CNBD1: variants seen among roughly 807,000 people sequenced by gnomAD.
CNBD1 encodes cyclic nucleotide binding domain containing 1.
Under a neutral mutation model 54.4 loss-of-function variants are expected in CNBD1, and 71 were observed. That is an observed-to-expected ratio of 1.30 (90% CI 1.08 to 1.59). CNBD1 has a LOEUF of 1.59. CNBD1 is among the 40% of genes most tolerant of loss of function. The pLI is 0.00. For synonymous variants in CNBD1, 182 were observed against 170.7 expected (o/e 1.07, Z -0.51); for missense variants, 659 against 518.0 (o/e 1.27, Z -2.64).
At chr8:87,224,149 GT>G (rs1362581845) in intron 5 of CNBD1, among the ~76,000 whole-genome samples, 11 of 152,062 alleles carry the variant, frequency 7.2e-5, no homozygotes, top group African/African-American at 2.4e-4. Context: ...TTACCCCTTT[GT>G]CAGATGGGTA....
At position 87,284,815 on chromosome 8, in the gene CNBD1, G is replaced by A; in HGVS notation, c.909G>A (p.Glu303=). Residue 303 remains glutamate (E), a splice_region_variant and synonymous_variant, in exon 7 of 11, where the codon GAG becomes GAA. Transcript: ENST00000518476. The part of the protein sequence containing the change: ...IPAKGYAKIK[E]EKIKLENMQK... The stretch of plus-strand genomic sequence containing the variant: ...CAAAGGGATATGCAAAGATAAAGGA[G>A]GTAAGATGATATCTAATATTTTATA... The A allele has an allele frequency of 3.2e-6, 5 of 1,556,538 alleles. No homozygotes were observed. Among genetic ancestry groups the A allele is most frequent in the Admixed American group, 1.9e-5 (1 of 51,752 alleles).
chr8:87,420,747 G>A (rs918529613), intron 2 of CNBD1, among the ~76,000 whole-genome samples: 7 of 150,358 alleles, frequency 4.7e-5, no homozygotes, highest in Non-Finnish European at 1.0e-4. Flanking sequence ...TACTTTCCCT[G>A]CTATAAATTG....
At chr8:86,992,443 A>C (rs1368534589) in intron 4 of CNBD1, among the ~76,000 whole-genome samples, 4 of 152,176 alleles carry the variant, frequency 2.6e-5, no homozygotes, top group African/African-American at 9.7e-5. Flanking sequence ...TCTATGTCTT[A>C]AATGAAGCAT....
At chr8:86,909,246 G>A (rs964625350) in intron 3 of CNBD1, among the ~76,000 whole-genome samples, 1 of 152,104 alleles carries the variant, frequency 6.6e-6, no homozygotes, top group Admixed American at 6.6e-5. Flanking sequence ...AATTGTAAAG[G>A]TACTAATTTA....
intron 1 of CNBD1, among the ~76,000 whole-genome samples, chr8:86,873,076 T>G (rs893833318): frequency 1.3e-5 from 2 of 150,896 alleles, no homozygotes; most frequent in East Asian, 1.9e-4. Flanking sequence ...AGGCCCTGTT[T>G]TTGTTGTTGT....
At chr8:87,016,844 G>A (rs2974275) in intron 4 of CNBD1, among the ~76,000 whole-genome samples, 2 of 151,994 alleles carry the variant, frequency 1.3e-5, no homozygotes, top group Admixed American at 6.6e-5. Context: ...ATTGCCCAAC[G>A]CTCCCTATAA....
intron 1 of CNBD1, among the ~76,000 whole-genome samples, chr8:86,878,128 G>A (rs566442147): frequency 1.5e-4 from 22 of 151,482 alleles, no homozygotes; most frequent in Admixed American, 1.1e-3. Flanking sequence ...GAGAGAGAGA[G>A]AGACGGAGAA....
At chr8:87,270,829 G>A (rs1325625245) in intron 6 of CNBD1, among the ~76,000 whole-genome samples, 1 of 151,566 alleles carries the variant, frequency 6.6e-6, no homozygotes, top group East Asian at 1.9e-4. Flanking sequence ...TTTTTGGAAG[G>A]ATTTCATAAG....
At chr8:87,372,157 A>G (rs998527085) in intron 10 of CNBD1, among the ~76,000 whole-genome samples, 1 of 152,098 alleles carries the variant, frequency 6.6e-6, no homozygotes, top group East Asian at 1.9e-4. Flanking sequence ...ATACAAAATC[A>G]ATGTACAAAA....
chr8:86,992,160 A>G (rs1444942300), intron 4 of CNBD1, among the ~76,000 whole-genome samples: 2 of 152,112 alleles, frequency 1.3e-5, no homozygotes, highest in Non-Finnish European at 2.9e-5. Context: ...TCATAGGTCA[A>G]GGATAACTTG....
At chr8:86,876,428 C>T (rs935366253) in intron 1 of CNBD1, among the ~76,000 whole-genome samples, 12 of 151,506 alleles carry the variant, frequency 7.9e-5, no homozygotes, top group African/African-American at 2.9e-4. Context: ...TTAGTTAGTT[C>T]CCAGTTTTCT....
chr8:87,428,421 T>G, intron 2 of CNBD1: 1 of 315,518 alleles, frequency 3.2e-6, no homozygotes, highest in South Asian at 2.5e-5. Context: ...TCAATTTAAT[T>G]ATTAGGGAAA....
intron 4 of CNBD1, among the ~76,000 whole-genome samples, chr8:86,967,849 T>C (rs1169323695): frequency 6.6e-6 from 1 of 152,002 alleles, no homozygotes; most frequent in Non-Finnish European, 1.5e-5. Context: ...TGTTTTTGCC[T>C]GCTAGTAGCT....
chr8:87,055,523 A>G, intron 4 of CNBD1, among the ~76,000 whole-genome samples: 1 of 151,986 alleles, frequency 6.6e-6, no homozygotes, highest in Non-Finnish European at 1.5e-5. Context: ...GAGCCCACTA[A>G]TTACACAAAG....
At chr8:86,926,711 A>G (rs1325718947) in intron 3 of CNBD1, among the ~76,000 whole-genome samples, 1 of 152,214 alleles carries the variant, frequency 6.6e-6, no homozygotes, top group Non-Finnish European at 1.5e-5. Flanking sequence ...GAGGAGGTCC[A>G]GGCCCCAGCA....
chr8:87,184,880 T>A (rs1355982658), intron 4 of CNBD1, among the ~76,000 whole-genome samples: 2 of 152,218 alleles, frequency 1.3e-5, no homozygotes, highest in African/African-American at 4.8e-5. Flanking sequence ...TATTTTCTTA[T>A]AGCTACTATT....
At chr8:87,248,167 G>T (rs146148881) in intron 6 of CNBD1, among the ~76,000 whole-genome samples, 1 of 152,274 alleles carries the variant, frequency 6.6e-6, no homozygotes, top group African/African-American at 2.4e-5. Context: ...TTGCCTTGTT[G>T]TCAACATTGG....
rs982622369 is a variant in CNBD1, at chr8:87,323,971, C to A, written c.1043-27714C>A. On this transcript the variant is annotated intron_variant, in intron 8 of 10. Transcript: ENST00000518476. The stretch of plus-strand genomic sequence containing the variant: ...AGATAGCTCTTATTATTTTGAAATA[C>A]GTCCCATCAATACCTAATTTATTGA... 1.6e-3 allele frequency among the ~76,000 whole-genome samples: 226 copies of A among 137,446 alleles called. 1 individual carries two copies. The highest frequency in any genetic ancestry group is 5.4e-3 in the African/African-American group (198 of 36,866). 90.2% of individuals were successfully genotyped at this position (137,446 alleles called of 152,430 possible). A position where few individuals can be genotyped will look rare whatever the true frequency, so the allele number is the denominator to read the frequency against.
intron 8 of CNBD1, among the ~76,000 whole-genome samples, chr8:87,309,097 G>A (rs923370442): frequency 3.3e-5 from 5 of 152,030 alleles, no homozygotes; most frequent in Admixed American, 3.3e-4. Context: ...GTTCTTTTGG[G>A]TAAGTAGTCA....
Sources: gnomAD v4.1 joint callset for allele counts (sites outside exome capture counted in the v4.1 genomes callset) on GRCh38, gnomAD v4.1.1 for gene constraint, MANE v1.5 for transcripts, NCBI Gene and HGNC (gene_info 2026-07-23, HGNC 2026-07-21) for gene names.